The following DPYSL2 variants were observed in gnomAD, a reference collection of about 807,000 sequenced individuals.
DPYSL2 encodes the protein dihydropyrimidinase-related protein 2.
Under a neutral mutation model 69.9 loss-of-function variants are expected in DPYSL2, and 13 were observed. The observed-to-expected ratio is 0.19, with a 90% confidence interval of 0.12 to 0.30. The LOEUF is 0.30. Among genes scored for constraint, DPYSL2 ranks in the 10% least tolerant of loss-of-function variants. The pLI is 1.00. For missense variants in DPYSL2, 587 were observed against 918.9 expected (o/e 0.64, Z 4.67); for synonymous variants, 326 against 359.1 (o/e 0.91, Z 1.04).
At position 26,597,578 on chromosome 8, in the gene DPYSL2, C is replaced by T. The variant is rs534215965; in HGVS notation, c.628+13595C>T. Among the ~76,000 whole-genome samples the T allele has an allele frequency of 6.6e-6, 1 of 152,178 alleles. No individual in the cohort carries two copies. The highest frequency in any genetic ancestry group is 1.5e-5 in the Non-Finnish European group (1 of 67,996). On this transcript the variant is annotated intron_variant, in intron 3 of 13. Coordinates refer to ENST00000521913, the MANE Select transcript of DPYSL2 (RefSeq NM_001197293.3). The surrounding 1 kb of genome is among the most constrained non-coding windows in gnomAD (Gnocchi z 5.2). The stretch of plus-strand genomic sequence containing the variant: ...CAAGCTCCGCCTCCCAGGTTCACGC[C>T]ATTCTCCTGCCTCAGCCTCCCAAGT...
intron 1 of DPYSL2, among the ~76,000 whole-genome samples, chr8:26,518,477 G>T (rs978448919): frequency 6.6e-6 from 1 of 152,070 alleles, no homozygotes; most frequent in African/African-American, 2.4e-5. Flanking sequence ...CCTAAAATTT[G>T]CCACCTTACC....
chr8:26,590,151 C>T lies in DPYSL2; in HGVS notation c.628+6168C>T, dbSNP rs778275526. 6.6e-5 allele frequency among the ~76,000 whole-genome samples: 10 copies of T among 152,336 alleles called. No homozygotes were observed. In the South Asian group the frequency reaches 2.1e-3, roughly 32 times the overall value. On this transcript the variant is annotated intron_variant, in intron 3 of 13. Coordinates refer to ENST00000521913, the MANE Select transcript of DPYSL2 (RefSeq NM_001197293.3). The stretch of plus-strand genomic sequence containing the variant: ...TATTCCCTTTGCAGCACTCATTTGA[C>T]TCGGGTTAGAAAGTGTTTACAAAAA...
intron 1 of DPYSL2, among the ~76,000 whole-genome samples, chr8:26,553,898 C>CTTTTTTTTT (rs35594312): frequency 8.5e-6 from 1 of 117,068 alleles, no homozygotes. Context: ...TATTTTTGGG[C>CTTTTTTTTT]TTTTTTTTTT....
chr8:26,536,488 T>C (rs896059341), intron 1 of DPYSL2, among the ~76,000 whole-genome samples: 1 of 151,982 alleles, frequency 6.6e-6, no homozygotes, highest in Non-Finnish European at 1.5e-5. Flanking sequence ...CTGGTTAACA[T>C]GGTGAAACGC....
intron 3 of DPYSL2, among the ~76,000 whole-genome samples, chr8:26,594,201 T>TA (rs1418839770): frequency 2.0e-5 from 3 of 152,202 alleles, no homozygotes; most frequent in Non-Finnish European, 4.4e-5. Context: ...TCTTATGTCT[T>TA]ACGACTATGG....
chr8:26,647,645 G>T lies in DPYSL2; in HGVS notation c.1441G>T (p.Asp481Tyr). The change falls in exon 11 of 14, where the codon GAT becomes TAT. Residue 481 changes from aspartate to tyrosine, a missense_variant. By Grantham distance (160) the Asp-to-Tyr change is radical. Around this residue, in one of 3 missense-constraint regions of DPYSL2, gnomAD observed 452 missense variants for 754.3 expected, o/e 0.60. Transcript: ENST00000521913. The surrounding 1 kb of genome is among the most constrained non-coding windows in gnomAD (Gnocchi z 5.1). ...TCTCCCTCAGGTCACTGGGAAGATG[G>T]ATGAGAACCAGTTTGTGGCTGTGAC... ...WDKAVVTGKM[D>Y]ENQFVAVTST... The T allele has an allele frequency of 6.2e-7, 1 of 1,613,250 alleles. No individual in the cohort carries two copies. The highest frequency in any genetic ancestry group is 8.5e-7 in the Non-Finnish European group (1 of 1,179,566).
chr8:26,643,304 G>A lies in DPYSL2; in HGVS notation c.1127-135G>A, dbSNP rs1585569130. Reference sequence around the variant, plus strand: ...TCCAAGTCTCAGTTTCCTCATCTGCGAGATGAGCCTGATATTTCCTATAAA... The same window carrying A: ...TCCAAGTCTCAGTTTCCTCATCTGCAAGATGAGCCTGATATTTCCTATAAA... On this transcript the variant is annotated intron_variant, in intron 8 of 13. Transcript: ENST00000521913. This position sits in a 1 kb window ranked among gnomAD's most constrained non-coding sequence, Gnocchi z 6.5. The A allele has an allele frequency of 1.1e-5, 10 of 935,230 alleles. No homozygotes were observed. The highest frequency in any genetic ancestry group is 1.4e-5 in the Non-Finnish European group (9 of 645,174). 57.9% of individuals were successfully genotyped at this position (935,230 alleles called of 1,614,324 possible).
At chr8:26,600,096 A>T (rs1801957557) in intron 3 of DPYSL2, among the ~76,000 whole-genome samples, 1 of 152,214 alleles carries the variant, frequency 6.6e-6, no homozygotes, top group Non-Finnish European at 1.5e-5. Flanking sequence ...TCAATACTTC[A>T]TGACTTTTTA....
At chr8:26,519,127 A>G (rs141848102) in intron 1 of DPYSL2, among the ~76,000 whole-genome samples, 103 of 152,306 alleles carry the variant, frequency 6.8e-4, no homozygotes, top group African/African-American at 2.4e-3. Flanking sequence ...GCTCTATACC[A>G]TGGAAATCAG....
At chr8:26,559,545 T>G (rs1030214654) in intron 1 of DPYSL2, among the ~76,000 whole-genome samples, 1 of 152,218 alleles carries the variant, frequency 6.6e-6, no homozygotes, top group Non-Finnish European at 1.5e-5. Flanking sequence ...TTAGTAAAGT[T>G]AAACATATTT....
chr8:26,548,927 G>A (rs1256913370), intron 1 of DPYSL2, among the ~76,000 whole-genome samples: 5 of 151,982 alleles, frequency 3.3e-5, no homozygotes, highest in African/African-American at 1.2e-4. Context: ...AGTGGCTCAC[G>A]CCTATAATCC....
At chr8:26,630,252 C>T (rs907794341) in intron 7 of DPYSL2, among the ~76,000 whole-genome samples, 19 of 152,222 alleles carry the variant, frequency 1.2e-4, no homozygotes, top group African/African-American at 4.3e-4. Flanking sequence ...TTTCACTTCT[C>T]CCTCTGGGCC....
In DPYSL2 at chr8:26,516,053, AC is replaced by A. The variant is rs1231981447; in HGVS notation, c.354+1375del. Among the ~76,000 whole-genome samples the A allele has an allele frequency of 2.6e-5, 4 of 152,172 alleles. No homozygotes were observed. The highest frequency in any genetic ancestry group is 4.4e-5 in the Non-Finnish European group (3 of 68,020). On this transcript the variant is annotated intron_variant, in intron 1 of 13. Transcript: ENST00000521913. The surrounding 1 kb of genome is among the most constrained non-coding windows in gnomAD (Gnocchi z 4.8). ...GTGACATAGAGTTTTGCAGCTTTTG[AC>A]TTTTGTAGGGTCAAGTCTAGGAAAA...
intron 1 of DPYSL2, among the ~76,000 whole-genome samples, chr8:26,574,951 G>T (rs1698937004): frequency 6.6e-6 from 1 of 152,008 alleles, no homozygotes; most frequent in Admixed American, 6.5e-5. Flanking sequence ...TTGTTTTTTT[G>T]AGATGGAGTT....
rs569561060 is a variant in DPYSL2, at chr8:26,644,455, G to C, written c.1425+364G>C. Among the ~76,000 whole-genome samples the C allele has an allele frequency of 6.6e-6, 1 of 151,956 alleles. No homozygotes were observed. Among genetic ancestry groups the C allele is most frequent in the Non-Finnish European group, 1.5e-5 (1 of 67,978 alleles). On this transcript the variant is annotated intron_variant, in intron 10 of 13. Transcript: ENST00000521913. This position sits in a 1 kb window ranked among gnomAD's most constrained non-coding sequence, Gnocchi z 4.5. ...CTGAGTAGCTAGGACCACAGGCTCA[G>C]ACCACCATGCCTGGCTAATTTTTTT...
At chr8:26,616,532 GC>G (rs1467153138) in intron 3 of DPYSL2, among the ~76,000 whole-genome samples, 7 of 152,218 alleles carry the variant, frequency 4.6e-5, no homozygotes, top group African/African-American at 1.2e-4. Flanking sequence ...ACATTGAAAA[GC>G]AGGGAATGGT....
At position 26,620,266 on chromosome 8, in the gene DPYSL2, T is replaced by C. The variant is rs1444381618; in HGVS notation, c.629-3877T>C. On this transcript the variant is annotated intron_variant, in intron 3 of 13. Coordinates refer to ENST00000521913, the MANE Select transcript of DPYSL2 (RefSeq NM_001197293.3). The surrounding 1 kb of genome is among the most constrained non-coding windows in gnomAD (Gnocchi z 4.5). ...AGGAAATGAGCTTTTATTTTTTTCC[T>C]TTTTTTTTGAGGCAGTCTCTTGCTC... Among the ~76,000 whole-genome samples, 1 of 151,282 alleles carries C rather than the reference T, an allele frequency of 6.6e-6. No individual in the cohort carries two copies. The highest frequency in any genetic ancestry group is 1.5e-5 in the Non-Finnish European group (1 of 67,708).
chr8:26,587,678 C>T lies in DPYSL2; in HGVS notation c.628+3695C>T, dbSNP rs17321041. On this transcript the variant is annotated intron_variant, in intron 3 of 13. Transcript: ENST00000521913. This position sits in a 1 kb window ranked among gnomAD's most constrained non-coding sequence, Gnocchi z 4.2. Reference sequence around the variant, plus strand: ...CGGACTCAGTGTGGAGCAGGGGGAACGCCCTTTGCCCTTTCCACCCAGTGG... The same window carrying T: ...CGGACTCAGTGTGGAGCAGGGGGAATGCCCTTTGCCCTTTCCACCCAGTGG... Among the ~76,000 whole-genome samples, 6,984 of 152,302 alleles carry T rather than the reference C, an allele frequency of 0.046. 238 individuals carry two copies. The highest frequency in any genetic ancestry group is 0.14 in the South Asian group (654 of 4,826).
rs114971616 is a variant in DPYSL2 at position 26,585,715 on chromosome 8, C to T, written c.628+1732C>T. Among the ~76,000 whole-genome samples, 786 of 152,180 alleles carry T rather than the reference C, an allele frequency of 5.2e-3. 4 individuals carry two copies. Among genetic ancestry groups the T allele is most frequent in the African/African-American group, 0.018 (754 of 41,502 alleles). ...AAGCTTAGACTATTCGGGTGTCAGC[C>T]GGGAAGGCCAAGTCAGGGTGATCAT... On this transcript the variant is annotated intron_variant, in intron 3 of 13. Transcript: ENST00000521913. The surrounding 1 kb of genome is among the most constrained non-coding windows in gnomAD (Gnocchi z 4.0).
Sources: allele counts gnomAD v4.1 joint callset (sites outside exome capture counted in the v4.1 genomes callset), GRCh38; gene constraint gnomAD v4.1.1; regional missense constraint gnomAD v4.1.1; non-coding constraint Gnocchi (gnomAD v3.1); transcripts MANE v1.5; gene names NCBI Gene and HGNC (gene_info 2026-07-23, HGNC 2026-07-21).